The following FRMPD2 variants were observed in gnomAD, a reference collection of about 807,000 sequenced individuals.
FRMPD2 encodes the protein FERM and PDZ domain containing 2.
FRMPD2 carries 96 observed loss-of-function variants against 140.1 expected under a neutral mutation model. The ratio of observed to expected loss-of-function variants is 0.69; its 90% CI spans 0.58 to 0.81. The LOEUF is 0.81. Among genes scored for constraint, FRMPD2 ranks in the 40% least tolerant of loss-of-function variants. The pLI is 0.00. For synonymous variants in FRMPD2, 449 were observed against 547.6 expected, an observed-to-expected ratio of 0.82 and a Z score of 2.52; for missense variants, 1,240 against 1,447.4, an observed-to-expected ratio of 0.86 and a Z score of 2.32.
intron 12 of FRMPD2, among the ~76,000 whole-genome samples, chr10:48,217,017 T>C (rs150304671): frequency 6.7e-4 from 102 of 152,256 alleles, no homozygotes; most frequent in African/African-American, 2.1e-3. Context: ...AGGCCAGCTC[T>C]GAGACACTGC....
chr10:48,244,078 G>C (rs752769808), intron 4 of FRMPD2, among the ~76,000 whole-genome samples: 3 of 152,196 alleles, frequency 2.0e-5, no homozygotes, highest in Admixed American at 6.5e-5. Flanking sequence ...CCGGCCCCCG[G>C]GGTTTAAGCG....
chr10:48,236,378 T>C, intron 9 of FRMPD2, 104 bp downstream of exon 9: 3 of 902,604 alleles, frequency 3.3e-6, no homozygotes, highest in African/African-American at 3.2e-5. Flanking sequence ...TGAATGCCAC[T>C]GGGGTGTTCC....
chr10:48,189,001 T>A (rs1233558251), intron 16 of FRMPD2, among the ~76,000 whole-genome samples: 1 of 152,160 alleles, frequency 6.6e-6, no homozygotes, highest in Non-Finnish European at 1.5e-5. Flanking sequence ...GCTCTGGGGA[T>A]GGACTTTCGT....
At chr10:48,197,155 G>A (rs191580266) in intron 15 of FRMPD2, among the ~76,000 whole-genome samples, 1 of 152,216 alleles carries the variant, frequency 6.6e-6, no homozygotes, top group East Asian at 1.9e-4. Flanking sequence ...ATTTGGTTCT[G>A]CATCTGAAAG....
chr10:48,232,821 C>T (rs1193480717), intron 9 of FRMPD2, among the ~76,000 whole-genome samples: 1 of 152,204 alleles, frequency 6.6e-6, no homozygotes, highest in Non-Finnish European at 1.5e-5. Flanking sequence ...AATGGGTCGG[C>T]AGAGCCAAAG....
At chr10:48,215,255 A>G (rs115759935) in intron 12 of FRMPD2, among the ~76,000 whole-genome samples, 1 of 152,116 alleles carries the variant, frequency 6.6e-6, no homozygotes, top group Admixed American at 6.6e-5. Context: ...GGTGGCCCCC[A>G]CCCAGCTTCA....
At chr10:48,188,988 A>G (rs902432712) in intron 16 of FRMPD2, among the ~76,000 whole-genome samples, 2 of 152,196 alleles carry the variant, frequency 1.3e-5, no homozygotes, top group African/African-American at 4.8e-5. Context: ...GAAGACGGAC[A>G]GAGCTCTGGG....
intron 10 of FRMPD2, 55 bp from the exon 11 acceptor site, chr10:48,223,325 T>C: frequency 6.5e-7 from 1 of 1,547,960 alleles, no homozygotes; most frequent in Admixed American, 1.7e-5. Flanking sequence ...TTGCACCATC[T>C]CTCAGACTCA....
At chr10:48,247,242 C>T (rs1840270951) in intron 3 of FRMPD2, among the ~76,000 whole-genome samples, 1 of 152,228 alleles carries the variant, frequency 6.6e-6, no homozygotes, top group Non-Finnish European at 1.5e-5. Flanking sequence ...TCATAAGGTA[C>T]TCAATGGAGG....
intron 7 of FRMPD2, among the ~76,000 whole-genome samples, chr10:48,238,843 T>G (rs1454482199): frequency 2.6e-5 from 4 of 152,260 alleles, no homozygotes; most frequent in Admixed American, 2.6e-4. Context: ...CTTTGCAGCC[T>G]CCTGCCATCA....
intron 1 of FRMPD2, among the ~76,000 whole-genome samples, chr10:48,252,169 C>A (rs1840400971): frequency 6.6e-6 from 1 of 152,062 alleles, no homozygotes; most frequent in Non-Finnish European, 1.5e-5. Context: ...GGTGCCAGTA[C>A]CACCCCTTTC....
At chr10:48,195,507 T>G (rs1838930760) in intron 15 of FRMPD2, among the ~76,000 whole-genome samples, 1 of 152,180 alleles carries the variant, frequency 6.6e-6, no homozygotes, top group South Asian at 2.1e-4. Context: ...CACGATGATA[T>G]TTATTCCAAC....
chr10:48,197,211 C>T (rs1304207823), intron 15 of FRMPD2, among the ~76,000 whole-genome samples: 6 of 152,132 alleles, frequency 3.9e-5, no homozygotes, highest in African/African-American at 9.7e-5. Flanking sequence ...TGGGCCAGCC[C>T]CAGGACCCAA....
chr10:48,221,990 A>ATGGG (rs1839601436), intron 12 of FRMPD2, among the ~76,000 whole-genome samples: 1 of 150,086 alleles, frequency 6.7e-6, no homozygotes, highest in Admixed American at 6.6e-5. Flanking sequence ...GGATGGATGG[A>ATGGG]TGGATGGATG....
At chr10:48,206,425 G>A (rs150738097) in intron 14 of FRMPD2, among the ~76,000 whole-genome samples, 3 of 152,144 alleles carry the variant, frequency 2.0e-5, no homozygotes, top group Non-Finnish European at 4.4e-5. Flanking sequence ...TGCTCTCAAC[G>A]TTAATGGAGT....
intron 14 of FRMPD2, 98 bp from the exon 15 acceptor site, chr10:48,201,482 C>A: frequency 9.4e-7 from 1 of 1,060,998 alleles, no homozygotes; most frequent in Non-Finnish European, 1.4e-6. Context: ...GTTCCACACC[C>A]TGTAGCAGGC....
chr10:48,164,637 T>C (rs1310493777), intron 27 of FRMPD2, among the ~76,000 whole-genome samples: 2 of 150,766 alleles, frequency 1.3e-5, no homozygotes, highest in South Asian at 2.1e-4. Flanking sequence ...ATTTATTTAA[T>C]TATAAATCAT....
At position 48,240,472 on chromosome 10, in the gene FRMPD2, C is replaced by A. The variant is rs114004866; in HGVS notation, c.588G>T (p.Glu196Asp). Reference sequence around the variant, plus strand: ...TGTTCTGCTGCACAGAGGAGCTTTCCTCCACAACTCTTTTCTCCACCTGGG... The same window carrying A: ...TGTTCTGCTGCACAGAGGAGCTTTCATCCACAACTCTTTTCTCCACCTGGG... ...TISEVEKRVV[E>D]ESSSVQQNRS... Residue 196 changes from glutamate (E) to aspartate (D), a missense_variant, in exon 6 of 29, where the codon GAG (glutamate) becomes GAT (aspartate). Glu to Asp is a conservative substitution (Grantham distance 45, BLOSUM62 2). Transcript: ENST00000374201. 1 of 1,613,828 alleles carries A rather than the reference C, an allele frequency of 6.2e-7. No homozygotes were observed. The highest frequency in any genetic ancestry group is 1.3e-5 in the African/African-American group (1 of 75,062).
intron 1 of FRMPD2, among the ~76,000 whole-genome samples, chr10:48,265,555 A>G (rs899584982): frequency 3.3e-5 from 5 of 152,242 alleles, no homozygotes; most frequent in Admixed American, 2.6e-4. Flanking sequence ...AAGTGGGCAA[A>G]GGATATGAAC....
Sources: allele counts gnomAD v4.1 joint callset (sites outside exome capture counted in the v4.1 genomes callset), GRCh38; gene constraint gnomAD v4.1.1; transcripts MANE v1.5; gene names NCBI Gene and HGNC (gene_info 2026-07-23, HGNC 2026-07-21).